CFAP90: variants seen among roughly 807,000 people sequenced by gnomAD.
CFAP90 encodes cilia and flagella associated protein 90, also known as cilia- and flagella-associated protein 90.
At chr5:7,836,872 A>G in the CFAP90 span, among the ~76,000 whole-genome samples, 2 of 152,112 alleles carry the variant, frequency 1.3e-5, no homozygotes, top group Non-Finnish European at 1.5e-5. Context: ...ATTGAGAGAC[A>G]AGAACCAGGG....
the CFAP90 span, chr5:7,850,780 G>C: frequency 6.7e-6 from 6 of 899,110 alleles, no homozygotes; most frequent in Non-Finnish European, 6.6e-6. Flanking sequence ...GCGGCCGCCC[G>C]CCCCTGCCCA....
chr5:7,836,292 T>G, the CFAP90 span, among the ~76,000 whole-genome samples: 38 of 152,314 alleles, frequency 2.5e-4, no homozygotes, highest in African/African-American at 8.2e-4. Flanking sequence ...AAGCCTGAGC[T>G]TCTTTGAAAA....
At chr5:7,850,421 C>G in the CFAP90 span, among the ~76,000 whole-genome samples, 5 of 152,054 alleles carry the variant, frequency 3.3e-5, no homozygotes, top group African/African-American at 4.8e-5. Context: ...GCTCTGTCCC[C>G]GATCCCTAGC....
the CFAP90 span, chr5:7,835,363 T>G: frequency 1.5e-6 from 2 of 1,347,828 alleles, no homozygotes; most frequent in Non-Finnish European, 1.0e-6. Flanking sequence ...AACTTGTTAA[T>G]ATTCTGTCTT....
At chr5:7,832,027 T>C in the CFAP90 span, 5 of 1,603,704 alleles carry the variant, frequency 3.1e-6, no homozygotes, top group African/African-American at 5.4e-5. Flanking sequence ...GCCTCTCCTG[T>C]TCCTGGTGAA....
the CFAP90 span, among the ~76,000 whole-genome samples, chr5:7,832,785 G>C: frequency 6.6e-6 from 1 of 152,188 alleles, no homozygotes. Context: ...ACCACACCCA[G>C]CCCATGATTT....
At chr5:7,847,132 G>A in the CFAP90 span, among the ~76,000 whole-genome samples, 2 of 152,118 alleles carry the variant, frequency 1.3e-5, no homozygotes, top group Admixed American at 1.3e-4. Context: ...AGTTTCTTTG[G>A]TCCTGCAGCT....
chr5:7,833,284 CACAT>C, the CFAP90 span, among the ~76,000 whole-genome samples: 3 of 152,190 alleles, frequency 2.0e-5, no homozygotes, highest in Admixed American at 1.3e-4. Context: ...TATGCACACA[CACAT>C]GCATGTACAC....
chr5:7,832,994 C>T, the CFAP90 span, among the ~76,000 whole-genome samples: 1 of 152,232 alleles, frequency 6.6e-6, no homozygotes, highest in African/African-American at 2.4e-5. Flanking sequence ...CTCCGCAAGA[C>T]CAACTTTTCT....
the CFAP90 span, among the ~76,000 whole-genome samples, chr5:7,832,725 T>C: frequency 6.6e-6 from 1 of 152,122 alleles, no homozygotes; most frequent in Non-Finnish European, 1.5e-5. Context: ...TGACCTCAAG[T>C]GATCCACCCA....
the CFAP90 span, among the ~76,000 whole-genome samples, chr5:7,841,321 A>C: frequency 2.6e-5 from 4 of 152,278 alleles, no homozygotes; most frequent in East Asian, 7.7e-4. Context: ...AAAGTCAAAA[A>C]ACAACAGATG....
the CFAP90 span, among the ~76,000 whole-genome samples, chr5:7,832,212 G>A: frequency 3.9e-5 from 6 of 152,182 alleles, no homozygotes; most frequent in Admixed American, 2.6e-4. Flanking sequence ...GCAGGGAACC[G>A]TTGAATTTGC....
the CFAP90 span, among the ~76,000 whole-genome samples, chr5:7,837,518 C>T: frequency 6.6e-6 from 1 of 152,164 alleles, no homozygotes; most frequent in South Asian, 2.1e-4. Context: ...GGATGCAAGA[C>T]TTTATACAGT....
chr5:7,834,250 G>C, the CFAP90 span, among the ~76,000 whole-genome samples: 1 of 152,198 alleles, frequency 6.6e-6, no homozygotes, highest in South Asian at 2.1e-4. Flanking sequence ...ACCCTGTGTA[G>C]GCCGAGGCTA....
chr5:7,832,936 G>T, the CFAP90 span, among the ~76,000 whole-genome samples: 1 of 152,202 alleles, frequency 6.6e-6, no homozygotes, highest in Non-Finnish European at 1.5e-5. Flanking sequence ...GGTTATGGTG[G>T]CTTGGTAACT....
chr5:7,848,277 TG>T, the CFAP90 span, among the ~76,000 whole-genome samples: 1 of 152,130 alleles, frequency 6.6e-6, no homozygotes, highest in Admixed American at 6.5e-5. Flanking sequence ...TAATCGAGCC[TG>T]GGAGAACAGG....
chr5:7,849,710 G>A, the CFAP90 span, among the ~76,000 whole-genome samples: 1 of 152,174 alleles, frequency 6.6e-6, no homozygotes, highest in African/African-American at 2.4e-5. Flanking sequence ...CCCATCCCAG[G>A]AAATGCACGG....
At chr5:7,833,488 ATAATAG>A in the CFAP90 span, among the ~76,000 whole-genome samples, 6 of 144,572 alleles carry the variant, frequency 4.2e-5, no homozygotes, top group Non-Finnish European at 6.3e-5. Flanking sequence ...ACACACATAT[ATAATAG>A]ATACATACAC....
At chr5:7,850,882 G>C in the CFAP90 span, 1 of 1,329,056 alleles carries the variant, frequency 7.5e-7, no homozygotes, top group Non-Finnish European at 9.7e-7. Context: ...CACCCGCGCC[G>C]GGCGGTAGTA....
Sources: gnomAD v4.1 joint callset for allele counts (sites outside exome capture counted in the v4.1 genomes callset) on GRCh38, gnomAD v4.1.1 for gene constraint, MANE v1.5 for transcripts, NCBI Gene and HGNC (gene_info 2026-07-23, HGNC 2026-07-21) for gene names.